MSI2: variants seen among roughly 807,000 people sequenced by gnomAD.
MSI2 encodes the protein musashi RNA binding protein 2.
In MSI2, 17 loss-of-function variants were observed where a neutral mutation model predicts 45.6. The ratio of observed to expected loss-of-function variants is 0.37; its 90% CI spans 0.26 to 0.56. The LOEUF (loss-of-function observed/expected upper bound fraction) is 0.56, where lower values mean the gene tolerates loss of function less well. MSI2 is among the 20% of genes least tolerant of loss of function. MSI2 has a pLI of 0.77. For synonymous variants in MSI2, 156 were observed against 158.2 expected (o/e 0.99, Z 0.11); for missense variants, 293 against 444.2 (o/e 0.66, Z 3.06).
chr17:57,488,376 A>G (rs2085797096), intron 6 of MSI2, among the ~76,000 whole-genome samples: 3 of 152,146 alleles, frequency 2.0e-5, no homozygotes, highest in Admixed American at 2.0e-4. Flanking sequence ...TTTTTTTCCT[A>G]CTATATTATG....
chr17:57,376,566 G>A (rs1385795424), intron 5 of MSI2, among the ~76,000 whole-genome samples: 1 of 152,184 alleles, frequency 6.6e-6, no homozygotes, highest in African/African-American at 2.4e-5. Flanking sequence ...CTGCTAGATT[G>A]ACTGGAGATC....
At chr17:57,504,560 A>G (rs1464687576) in intron 6 of MSI2, among the ~76,000 whole-genome samples, 2 of 152,222 alleles carry the variant, frequency 1.3e-5, no homozygotes, top group African/African-American at 4.8e-5. Context: ...ACCGGGTCAC[A>G]GTCAGTGATG....
At chr17:57,667,735 C>T (rs1912472397) in intron 11 of MSI2, among the ~76,000 whole-genome samples, 1 of 152,196 alleles carries the variant, frequency 6.6e-6, no homozygotes, top group African/African-American at 2.4e-5. Flanking sequence ...AGGCCACAGC[C>T]CATTCAAGGC....
the MSI2 span, among the ~76,000 whole-genome samples, chr17:57,693,173 G>T: frequency 6.6e-6 from 1 of 150,828 alleles, no homozygotes; most frequent in African/African-American, 2.4e-5. Context: ...AATTTCTATT[G>T]TCCTATTTTC....
At chr17:57,430,236 T>TAAACACCA (rs1327011086) in intron 6 of MSI2, among the ~76,000 whole-genome samples, 1 of 152,214 alleles carries the variant, frequency 6.6e-6, no homozygotes, top group African/African-American at 2.4e-5. Flanking sequence ...CTTTTGATGG[T>TAAACACCA]AAACACCATT....
intron 7 of MSI2, among the ~76,000 whole-genome samples, chr17:57,593,311 G>A (rs545821160): frequency 6.6e-5 from 10 of 152,238 alleles, no homozygotes; most frequent in African/African-American, 9.6e-5. Context: ...CACAAACTTC[G>A]TGGCTTAAAA....
At chr17:57,633,061 G>A (rs1040238365) in intron 10 of MSI2, 14 of 1,038,596 alleles carry the variant, frequency 1.3e-5, no homozygotes, top group Middle Eastern at 4.4e-4. Flanking sequence ...CCTCACAAAC[G>A]TTTTAGCCAT....
chr17:57,365,490 A>G (rs943357324), intron 5 of MSI2, among the ~76,000 whole-genome samples: 2 of 152,200 alleles, frequency 1.3e-5, no homozygotes, highest in South Asian at 2.1e-4. Context: ...CACGGATCCT[A>G]TGAGTAGCTG....
intron 5 of MSI2, among the ~76,000 whole-genome samples, chr17:57,335,158 C>T (rs1914603370): frequency 6.6e-6 from 1 of 152,086 alleles, no homozygotes; most frequent in African/African-American, 2.4e-5. Flanking sequence ...TCCCGAACCC[C>T]AGCCCCCACC....
intron 7 of MSI2, among the ~76,000 whole-genome samples, chr17:57,555,177 C>G (rs905730957): frequency 6.6e-6 from 1 of 152,188 alleles, no homozygotes; most frequent in Non-Finnish European, 1.5e-5. Context: ...CAGCCCGGGC[C>G]CCATCTCCCA....
chr17:57,448,540 T>C (rs564215366), intron 6 of MSI2: 3 of 152,346 alleles, frequency 2.0e-5, no homozygotes, highest in Non-Finnish European at 4.4e-5. Flanking sequence ...ATTCCTGCTG[T>C]CCAGGCTGTT....
At chr17:57,428,050 AAGTC>A (rs1198740773) in intron 6 of MSI2, among the ~76,000 whole-genome samples, 7 of 152,326 alleles carry the variant, frequency 4.6e-5, no homozygotes, top group South Asian at 2.1e-4. Flanking sequence ...AGTGGGGAGA[AAGTC>A]AGCAAGAAAA....
At chr17:57,443,374 T>C (rs2084836667) in intron 6 of MSI2, among the ~76,000 whole-genome samples, 1 of 152,178 alleles carries the variant, frequency 6.6e-6, no homozygotes, top group Non-Finnish European at 1.5e-5. Context: ...CTAATAGGAC[T>C]TCCTGGCAGC....
At chr17:57,500,878 A>T (rs1455609947) in intron 6 of MSI2, among the ~76,000 whole-genome samples, 1 of 151,190 alleles carries the variant, frequency 6.6e-6, no homozygotes, top group African/African-American at 2.4e-5. Context: ...TGGGAGGATC[A>T]CTTGAGTCCA....
chr17:57,601,135 T>C (rs929937035), intron 8 of MSI2: 9 of 152,184 alleles, frequency 5.9e-5, no homozygotes, highest in African/African-American at 2.2e-4. Flanking sequence ...GTGGCCCATG[T>C]GGTTCCATGT....
intron 6 of MSI2, among the ~76,000 whole-genome samples, chr17:57,496,869 A>G (rs58366996): frequency 0.3 from 46,202 of 152,166 alleles, 7,207 homozygotes; most frequent in East Asian, 0.41. Context: ...TGCTAGGTGT[A>G]CAATTACAAC....
At chr17:57,366,642 G>A (rs1917215335) in intron 5 of MSI2, among the ~76,000 whole-genome samples, 1 of 152,254 alleles carries the variant, frequency 6.6e-6, no homozygotes, top group Non-Finnish European at 1.5e-5. Flanking sequence ...GAACAGGAAA[G>A]CAAAGGGGAG....
chr17:57,256,872 G>A lies in MSI2; in HGVS notation c.62+68G>A, dbSNP rs538828603. 287 of 1,270,578 alleles carry A rather than the reference G, an allele frequency of 2.3e-4. 2 individuals are homozygous for A. In the South Asian group the frequency reaches 2.7e-3, roughly 12 times the overall value. The allele number at this position is 1,270,578 out of a possible 1,614,324, so 78.7% of individuals were successfully genotyped here. A position where few individuals can be genotyped will look rare whatever the true frequency, so the allele number is the denominator to read the frequency against. On this transcript the variant is annotated intron_variant, in intron 1 of 13. Transcript: ENST00000284073. Reference sequence around the variant, plus strand: ...TCTCCTTGCAGCGGCGGGGACGGCGGTGCGCGGAGCCGGGCATCTCCCGCG... The same window carrying A: ...TCTCCTTGCAGCGGCGGGGACGGCGATGCGCGGAGCCGGGCATCTCCCGCG...
intron 5 of MSI2, among the ~76,000 whole-genome samples, chr17:57,329,513 C>T (rs569565171): frequency 1.3e-5 from 2 of 152,084 alleles, no homozygotes. Context: ...TAATTTCTTA[C>T]CCCTCTGGGT....
Sources: gnomAD v4.1 joint callset for allele counts (sites outside exome capture counted in the v4.1 genomes callset) on GRCh38, gnomAD v4.1.1 for gene constraint, MANE v1.5 for transcripts, NCBI Gene and HGNC (gene_info 2026-07-23, HGNC 2026-07-21) for gene names.